MALSU1: variants seen among roughly 807,000 people sequenced by gnomAD.
MALSU1 encodes the protein mitochondrial assembly of ribosomal large subunit 1.
In MALSU1, 22 loss-of-function variants were observed where a neutral mutation model predicts 22.1. That is an observed-to-expected ratio of 1.00 (90% CI 0.71 to 1.42). The LOEUF is 1.42. Among genes scored for constraint, MALSU1 ranks in the 40% most tolerant of loss-of-function variants. The pLI is 0.00. For missense variants in MALSU1, 379 were observed against 308.3 expected (o/e 1.23, Z -1.72); for synonymous variants, 153 against 118.5 (o/e 1.29, Z -1.89).
chr7:23,299,385 C>A lies in MALSU1; in HGVS notation c.33C>A (p.Leu11=). 1 of 1,589,636 alleles carries A rather than the reference C, an allele frequency of 6.3e-7. No individual in the cohort carries two copies. Among genetic ancestry groups the A allele is most frequent in the Non-Finnish European group, 8.5e-7 (1 of 1,172,132 alleles). The change falls in exon 1 of 4, where the codon CTC becomes CTA. Residue 11 remains leucine (L), a synonymous_variant. Transcript: ENST00000466681. MGPGGRVARL[L]APLMWRRAVS... is the part of the protein sequence containing the mutation. ...CGGGCGGCCGTGTGGCGCGGCTGCT[C>A]GCCCCACTAATGTGGCGCAGGGCGG...
At chr7:23,306,141 C>T (rs967870011) in intron 2 of MALSU1, among the ~76,000 whole-genome samples, 22 of 152,064 alleles carry the variant, frequency 1.4e-4, no homozygotes, top group African/African-American at 5.1e-4. Flanking sequence ...TTGCTGTGAG[C>T]CGCGATTGCG....
chr7:23,309,305 T>G (rs764973784), intron 3 of MALSU1, 51 bp from the exon 4 acceptor site: 1 of 1,499,488 alleles, frequency 6.7e-7, no homozygotes, highest in South Asian at 1.3e-5. Context: ...AAGGTAAGAA[T>G]AAAAGCAAAT....
At chr7:23,307,692 G>T in intron 2 of MALSU1, 176 bp from the exon 3 acceptor site, 1 of 558,390 alleles carries the variant, frequency 1.8e-6, no homozygotes, top group Non-Finnish European at 3.2e-6. Context: ...AAGTGAATAA[G>T]ATTTAGAGGG....
intron 2 of MALSU1, among the ~76,000 whole-genome samples, chr7:23,301,560 G>A (rs1263960977): frequency 6.6e-6 from 1 of 152,160 alleles, no homozygotes; most frequent in African/African-American, 2.4e-5. Flanking sequence ...CACCCGGCCG[G>A]AAAATAATAT....
intron 2 of MALSU1, among the ~76,000 whole-genome samples, chr7:23,302,365 A>G (rs1254185314): frequency 1.3e-5 from 2 of 152,210 alleles, no homozygotes; most frequent in African/African-American, 4.8e-5. Context: ...TCTGTTGAGA[A>G]TTGGTCATAG....
At chr7:23,307,015 A>T (rs994144059) in intron 2 of MALSU1, among the ~76,000 whole-genome samples, 1 of 152,066 alleles carries the variant, frequency 6.6e-6, no homozygotes, top group Non-Finnish European at 1.5e-5. Flanking sequence ...TTGTTGGGAG[A>T]TTTTTGATTA....
At position 23,311,421 on chromosome 7, in the gene MALSU1, A is replaced by T. The variant is rs2268743; in HGVS notation, c.*1878A>T. 1 of 152,612 alleles carries T rather than the reference A, an allele frequency of 6.6e-6. No homozygotes were observed. The highest frequency in any genetic ancestry group is 2.4e-5 in the African/African-American group (1 of 41,442). 9.5% of individuals were successfully genotyped at this position (152,612 alleles called of 1,614,324 possible). A position where few individuals can be genotyped will look rare whatever the true frequency, so the allele number is the denominator to read the frequency against. On this transcript the variant is annotated 3_prime_UTR_variant, in exon 4 of 4. Transcript: ENST00000466681. Reference sequence around the variant, plus strand: ...AATCATGTAGCTAAACAAAAAACTGAAGTCTCCTGAAGCCATTTAAACCAG... The same window carrying T: ...AATCATGTAGCTAAACAAAAAACTGTAGTCTCCTGAAGCCATTTAAACCAG...
chr7:23,309,498 A>AGAT lies in MALSU1; in HGVS notation c.664_666dup (p.Asp222dup), dbSNP rs768736885. 6.2e-7 allele frequency: 1 copy of AGAT among 1,611,674 alleles called. No individual in the cohort carries two copies. Among genetic ancestry groups the AGAT allele is most frequent in the African/African-American group, 1.3e-5 (1 of 74,832 alleles). The stretch of plus-strand genomic sequence containing the variant: ...CTGAAGACTTCATTCTTGGAATAGA[A>AGAT]GATGATACTTCATCTGTGACTCCAG... On this transcript the variant is annotated inframe_insertion, in exon 4 of 4. Coordinates refer to ENST00000466681, the MANE Select transcript of MALSU1 (RefSeq NM_138446.2).
intron 1 of MALSU1, among the ~76,000 whole-genome samples, chr7:23,300,530 G>T (rs1269924216): frequency 1.3e-5 from 2 of 152,114 alleles, no homozygotes; most frequent in African/African-American, 4.8e-5. Context: ...TGTGATTGTG[G>T]TGTATTGCTC....
chr7:23,308,195 A>G (rs908287815), intron 3 of MALSU1, among the ~76,000 whole-genome samples: 1 of 152,218 alleles, frequency 6.6e-6, no homozygotes, highest in Non-Finnish European at 1.5e-5. Flanking sequence ...TATATACTAC[A>G]TGGTGTGTAT....
At chr7:23,299,672 A>G (rs1050750905) in intron 1 of MALSU1, 64 bp downstream of exon 1, 13 of 1,503,544 alleles carry the variant, frequency 8.6e-6, no homozygotes, top group African/African-American at 5.6e-5. Context: ...GTCCCAGCCA[A>G]GGTGGCTCTG....
At chr7:23,300,606 C>T (rs1329016802) in intron 1 of MALSU1, among the ~76,000 whole-genome samples, 3 of 152,094 alleles carry the variant, frequency 2.0e-5, no homozygotes, top group African/African-American at 4.8e-5. Flanking sequence ...TGGTTAATAG[C>T]GAAGGATGTA....
chr7:23,308,632 T>G (rs186069647), intron 3 of MALSU1, among the ~76,000 whole-genome samples: 3 of 152,326 alleles, frequency 2.0e-5, no homozygotes, highest in African/African-American at 7.2e-5. Context: ...ACTGGTTTCC[T>G]GAGCTCTGGA....
intron 3 of MALSU1, among the ~76,000 whole-genome samples, chr7:23,308,787 G>A (rs913233215): frequency 1.3e-4 from 20 of 152,118 alleles, no homozygotes; most frequent in African/African-American, 4.3e-4. Context: ...CGCTATTAAC[G>A]TTTTGGACCA....
intron 2 of MALSU1, 77 bp from the exon 3 acceptor site, chr7:23,307,791 C>A (rs113940798): frequency 0.051 from 38,499 of 760,362 alleles, 3,038 homozygotes; most frequent in African/African-American, 0.31. Context: ...AACAAACAAA[C>A]AAAAAAAAAA....
Position 23,309,470 on chromosome 7 carries a change from TA to T in MALSU1, c.633del (p.Pro212LeufsTer8). 6.2e-7 allele frequency: 1 copy of T among 1,613,336 alleles called. No homozygotes were observed. The highest frequency in any genetic ancestry group is 8.5e-7 in the Non-Finnish European group (1 of 1,179,564). On this transcript the variant is annotated frameshift_variant, in exon 4 of 4. Coordinates refer to ENST00000466681, the MANE Select transcript of MALSU1 (RefSeq NM_138446.2). LOFTEE classifies it high-confidence loss of function. Reference protein sequence around the residue: ...DQLAQIAPETVPEDFILGIED... With the variant: ...DQLAQIAPETXPEDFILGIED... ...TTAGCTCAGATAGCACCTGAGACAG[TA>T]CCTGAAGACTTCATTCTTGGAATAG...
At position 23,299,613 on chromosome 7, in the gene MALSU1, G is replaced by T; in HGVS notation, c.256+5G>T. 6.4e-7 allele frequency: 1 copy of T among 1,569,386 alleles called. No individual in the cohort carries two copies. The highest frequency in any genetic ancestry group is 8.6e-7 in the Non-Finnish European group (1 of 1,157,300). ...GCCCAGAATCGGACGCGGCAGGTAC[G>T]GGCGTGGAGAAGAACGAAGGCGACC... is the stretch of plus-strand genomic sequence containing the variant. On this transcript the variant is annotated splice_donor_5th_base_variant and intron_variant, in intron 1 of 3. Coordinates refer to ENST00000466681, the MANE Select transcript of MALSU1 (RefSeq NM_138446.2).
At chr7:23,299,903 C>T (rs1783619146) in intron 1 of MALSU1, among the ~76,000 whole-genome samples, 1 of 152,090 alleles carries the variant, frequency 6.6e-6, no homozygotes, top group Admixed American at 6.5e-5. Context: ...TCCTAGGATC[C>T]TGGGAAATGG....
chr7:23,301,271 T>C (rs77005930), intron 2 of MALSU1: 58 of 300,066 alleles, frequency 1.9e-4, no homozygotes, highest in African/African-American at 9.5e-4. Context: ...TTTTTTTTTT[T>C]CTAATTGAGA....
Sources: gnomAD v4.1 joint callset for allele counts (sites outside exome capture counted in the v4.1 genomes callset) on GRCh38, gnomAD v4.1.1 for gene constraint, MANE v1.5 for transcripts, NCBI Gene and HGNC (gene_info 2026-07-23, HGNC 2026-07-21) for gene names.